TIE1: variants seen among roughly 807,000 people sequenced by gnomAD.
The protein encoded by TIE1 is tyrosine-protein kinase receptor Tie-1.
TIE1 carries 89 observed loss-of-function variants against 130.5 expected under a neutral mutation model. That is an observed-to-expected ratio of 0.68 (90% CI 0.57 to 0.81). The LOEUF (loss-of-function observed/expected upper bound fraction) is 0.81. Among genes scored for constraint, TIE1 ranks in the 40% least tolerant of loss-of-function variants. The probability of loss-of-function intolerance (pLI) is 0.00; values close to 1 mark genes in which losing one functional copy is unlikely to be tolerated. For missense variants in TIE1, 1,392 were observed against 1,559.8 expected, an observed-to-expected ratio of 0.89 and a Z score of 1.81; for synonymous variants, 568 against 629.4, an observed-to-expected ratio of 0.90 and a Z score of 1.46.
Position 43,313,835 on chromosome 1 carries a change from A to G in TIE1, c.2276A>G (p.Gln759Arg). ...CGGGCAGCTGAAGAGGGCCTGGATC[A>G]GCAGCTGATCCTGGCGGTGGTGGGC... is the stretch of plus-strand genomic sequence containing the variant. ...ESRAAEEGLD[Q>R]QLILAVVGSV... Residue 759 changes from glutamine (Q) to arginine (R), a missense_variant, in exon 14 of 23, where the codon CAG becomes CGG. By Grantham distance (43) the Gln-to-Arg change is conservative. Around this residue, in one of 6 missense-constraint regions of TIE1, gnomAD observed 286 missense variants for 354.4 expected, o/e 0.81. Transcript: ENST00000372476. This position sits in a 1 kb window ranked among gnomAD's most constrained non-coding sequence, Gnocchi z 6.2. 1 of 1,614,118 alleles carries G rather than the reference A, an allele frequency of 6.2e-7. No individual in the cohort carries two copies. Among genetic ancestry groups the G allele is most frequent in the Non-Finnish European group, 8.5e-7 (1 of 1,180,006 alleles).
Position 43,317,792 on chromosome 1 carries a change from C to G in TIE1, c.2732-90C>G. The G allele has an allele frequency of 6.6e-7, 1 of 1,515,664 alleles. No homozygotes were observed. Among genetic ancestry groups the G allele is most frequent in the Non-Finnish European group, 9.1e-7 (1 of 1,101,242 alleles). 93.9% of individuals were successfully genotyped at this position (1,515,664 alleles called of 1,614,324 possible). A position where few individuals can be genotyped will look rare whatever the true frequency, so the allele number is the denominator to read the frequency against. ...TGACCTGTGCACCACCCTTGATCCTCCTTCATCCCTGTCTGTTACCATCGG... is the reference window on the plus strand; with the variant it reads ...TGACCTGTGCACCACCCTTGATCCTGCTTCATCCCTGTCTGTTACCATCGG... On this transcript the variant is annotated intron_variant, in intron 16 of 22. Transcript: ENST00000372476. The surrounding 1 kb of genome is among the most constrained non-coding windows in gnomAD (Gnocchi z 5.1).
chr1:43,305,095 C>T lies in TIE1; in HGVS notation c.303C>T (p.Gly101=), dbSNP rs781350189. ...TCTCCAAGCCCTCGGACCTCGTGGGCGTCTTCTCCTGCGTGGGCGGTGCTG... is the reference window on the plus strand; with the variant it reads ...TCTCCAAGCCCTCGGACCTCGTGGGTGTCTTCTCCTGCGTGGGCGGTGCTG... ...RGFSKPSDLV[G]VFSCVGGAGA... is the part of the protein sequence containing the mutation. The change falls in exon 2 of 23, where the codon GGC becomes GGT. Residue 101 remains glycine (G), a synonymous_variant. Coordinates refer to ENST00000372476, the MANE Select transcript of TIE1 (RefSeq NM_005424.5). The T allele has an allele frequency of 5.4e-5, 87 of 1,612,774 alleles. No individual in the cohort carries two copies. Among genetic ancestry groups the T allele is most frequent in the Non-Finnish European group, 6.2e-5 (73 of 1,179,400 alleles).
At position 43,319,428 on chromosome 1, in the gene TIE1, C is replaced by T; in HGVS notation, c.3037-31C>T. On this transcript the variant is annotated intron_variant, in intron 18 of 22. Transcript: ENST00000372476. This position sits in a 1 kb window ranked among gnomAD's most constrained non-coding sequence, Gnocchi z 4.7. Reference sequence around the variant, plus strand: ...GAGCCTCAAACAGGCCCTTCCTCCACACTCAGCCCCTCAAACCCATTCTCT... The same window carrying T: ...GAGCCTCAAACAGGCCCTTCCTCCATACTCAGCCCCTCAAACCCATTCTCT... 1 of 1,613,684 alleles carries T rather than the reference C, an allele frequency of 6.2e-7. No homozygotes were observed. Among genetic ancestry groups the T allele is most frequent in the Non-Finnish European group, 8.5e-7 (1 of 1,179,592 alleles).
rs534672239 is a variant in TIE1, at chr1:43,310,861, A to G, written c.1334-810A>G. On this transcript the variant is annotated intron_variant, in intron 9 of 22. Transcript: ENST00000372476. ...TTGCTGCCTGACACTCCCTCAGCTT[A>G]CAGCGCGGCATCCTTTTCCTCCCTC... Among the ~76,000 whole-genome samples the G allele has an allele frequency of 1.8e-3, 271 of 152,230 alleles. 1 individual carries two copies. The highest frequency in any genetic ancestry group is 6.3e-3 in the African/African-American group (263 of 41,520).
Position 43,317,177 on chromosome 1 carries a change from C to G in TIE1, c.2410-22C>G, listed in dbSNP as rs1222934819. 2 of 1,613,036 alleles carry G rather than the reference C, an allele frequency of 1.2e-6. No individual in the cohort carries two copies. Among genetic ancestry groups the G allele is most frequent in the Non-Finnish European group, 1.7e-6 (2 of 1,179,320 alleles). ...TTTGACTCTTGCGTGGACCGTCTGC[C>G]CTCTTGTCTCATCCTGTGAAGGGCG... On this transcript the variant is annotated intron_variant, in intron 14 of 22. Coordinates refer to ENST00000372476, the MANE Select transcript of TIE1 (RefSeq NM_005424.5). This position sits in a 1 kb window ranked among gnomAD's most constrained non-coding sequence, Gnocchi z 5.1.
chr1:43,308,480 G>A (rs1226248592), intron 7 of TIE1, among the ~76,000 whole-genome samples: 1 of 152,228 alleles, frequency 6.6e-6, no homozygotes, highest in East Asian at 1.9e-4. Flanking sequence ...TCAGGTTTGG[G>A]TACCAGGACA....
At chr1:43,308,898 C>CAGAACAGA in intron 7 of TIE1, 88 bp from the exon 8 acceptor site, 1 of 1,587,756 alleles carries the variant, frequency 6.3e-7, no homozygotes, top group Non-Finnish European at 8.6e-7. Context: ...GATACCTCCA[C>CAGAACAGA]TGAGAAACAG....
At position 43,317,961 on chromosome 1, in the gene TIE1, T is replaced by A; in HGVS notation, c.2811T>A (p.Thr937=). ...TGCGGAAAAGCCGGGTCCTAGAGAC[T>A]GACCCAGCTTTTGCTCGAGAGCATG... is the stretch of plus-strand genomic sequence containing the variant. ...DFLRKSRVLE[T]DPAFAREHGT... The change falls in exon 17 of 23, where the codon ACT becomes ACA. Residue 937 remains threonine, a synonymous_variant. Coordinates refer to ENST00000372476, the MANE Select transcript of TIE1 (RefSeq NM_005424.5). The surrounding 1 kb of genome is among the most constrained non-coding windows in gnomAD (Gnocchi z 5.1). 6.2e-7 allele frequency: 1 copy of A among 1,613,762 alleles called. No homozygotes were observed. The highest frequency in any genetic ancestry group is 8.5e-7 in the Non-Finnish European group (1 of 1,179,816).
intron 1 of TIE1, among the ~76,000 whole-genome samples, chr1:43,301,891 T>G (rs943252038): frequency 2.6e-5 from 4 of 152,124 alleles, no homozygotes; most frequent in Non-Finnish European, 4.4e-5. Flanking sequence ...ATGGTAAAAT[T>G]TATTTTATAT....
Position 43,317,819 on chromosome 1 carries a change from T to A in TIE1, c.2732-63T>A. The A allele has an allele frequency of 3.8e-6, 6 of 1,574,274 alleles. No individual in the cohort carries two copies. Among genetic ancestry groups the A allele is most frequent in the Non-Finnish European group, 5.2e-6 (6 of 1,147,954 alleles). On this transcript the variant is annotated intron_variant, in intron 16 of 22. Transcript: ENST00000372476. This position sits in a 1 kb window ranked among gnomAD's most constrained non-coding sequence, Gnocchi z 5.1. ...TTCATCCCTGTCTGTTACCATCGGGTGCCTGCTCCCACCCTAGGTTGCCTG... is the reference window on the plus strand; with the variant it reads ...TTCATCCCTGTCTGTTACCATCGGGAGCCTGCTCCCACCCTAGGTTGCCTG...
intron 10 of TIE1, 78 bp from the exon 11 acceptor site, chr1:43,311,916 C>T (rs922623682): frequency 1.3e-5 from 20 of 1,569,306 alleles, no homozygotes; most frequent in South Asian, 2.4e-5. Context: ...GCAAATGGTG[C>T]GAGGGGGCTG....
At chr1:43,320,259 A>AG (rs1221617086) in intron 19 of TIE1, 1 of 152,752 alleles carries the variant, frequency 6.5e-6, no homozygotes, top group Non-Finnish European at 1.5e-5. Context: ...GCCACTAACT[A>AG]GCTGTATGGC....
At chr1:43,321,552 T>G in intron 21 of TIE1, 60 bp downstream of exon 21, 1 of 1,561,662 alleles carries the variant, frequency 6.4e-7, no homozygotes, top group East Asian at 2.4e-5. Flanking sequence ...ACCTCAGCTT[T>G]GATCCCTGTG....
Position 43,311,821 on chromosome 1 carries a change from C to A in TIE1, c.1484C>A (p.Thr495Asn). Residue 495 changes from threonine to asparagine, a missense_variant, in exon 10 of 23, where the codon ACC becomes AAC. Thr to Asn is a moderately conservative substitution (Grantham distance 65). Coordinates refer to ENST00000372476, the MANE Select transcript of TIE1 (RefSeq NM_005424.5). ...CAGGACAGTACCATGGACTGGTCGA[C>A]CATTGTGGGTGAGTAGGGAGAGAGC... Reference protein sequence around the residue: ...RPQDSTMDWSTIVVDPSENVT... With the variant: ...RPQDSTMDWSNIVVDPSENVT... The A allele has an allele frequency of 6.2e-7, 1 of 1,613,028 alleles. No homozygotes were observed. Among genetic ancestry groups the A allele is most frequent in the Non-Finnish European group, 8.5e-7 (1 of 1,179,440 alleles).
Position 43,301,043 on chromosome 1 carries a change from C to T in TIE1, c.-29C>T, listed in dbSNP as rs1646664308. 1.2e-6 allele frequency: 2 copies of T among 1,612,912 alleles called. No individual in the cohort carries two copies. Among genetic ancestry groups the T allele is most frequent in the East Asian group, 2.2e-5 (1 of 44,832 alleles). ...GCATCTGACCCCAGGCCCAGCTCGT[C>T]CTGGCTGGCCTGGGTCGGCCTCTGG... On this transcript the variant is annotated 5_prime_UTR_variant, in exon 1 of 23. Coordinates refer to ENST00000372476, the MANE Select transcript of TIE1 (RefSeq NM_005424.5).
In TIE1 at chr1:43,319,470, T is replaced by C. The variant is rs1175088436; in HGVS notation, c.3048T>C (p.Pro1016=). 2 of 1,614,144 alleles carry C rather than the reference T, an allele frequency of 1.2e-6. No homozygotes were observed. Among genetic ancestry groups the C allele is most frequent in the Non-Finnish European group, 1.7e-6 (2 of 1,180,014 alleles). ...VYVKKTMGRL[P]VRWMAIESLN... ...CCATTCTCTCCTAGGGGCGTCTCCC[T>C]GTGCGCTGGATGGCCATTGAGTCCC... The change falls in exon 19 of 23, where the codon CCT becomes CCC. Residue 1016 remains proline, a synonymous_variant. Transcript: ENST00000372476. The surrounding 1 kb of genome is among the most constrained non-coding windows in gnomAD (Gnocchi z 4.7).
Position 43,312,833 on chromosome 1 carries a change from G to A in TIE1, c.1927+232G>A, listed in dbSNP as rs934036163. Among the ~76,000 whole-genome samples the A allele has an allele frequency of 2.0e-5, 3 of 152,136 alleles. No homozygotes were observed. Among genetic ancestry groups the A allele is most frequent in the African/African-American group, 4.8e-5 (2 of 41,406 alleles). ...GGAGCATGTGGGGAGAGCATGGGGA[G>A]GTCAGGGTTCATGGCGAGAACCAGG... On this transcript the variant is annotated intron_variant, in intron 12 of 22. Coordinates refer to ENST00000372476, the MANE Select transcript of TIE1 (RefSeq NM_005424.5). This position sits in a 1 kb window ranked among gnomAD's most constrained non-coding sequence, Gnocchi z 5.6.
rs762537661 is a variant in TIE1, at chr1:43,317,946, C to CTTTT, written c.2796_2797insTTTT (p.Arg933PhefsTer7). 6 of 1,614,020 alleles carry CTTTT rather than the reference C, an allele frequency of 3.7e-6. No individual in the cohort carries two copies. Among genetic ancestry groups the CTTTT allele is most frequent in the Non-Finnish European group, 2.5e-6 (3 of 1,179,996 alleles). ...ACCTGCTAGATTTTCTGCGGAAAAG[C>CTTTT]CGGGTCCTAGAGACTGACCCAGCTT... On this transcript the variant is annotated frameshift_variant, in exon 17 of 23. Transcript: ENST00000372476. LOFTEE classifies it high-confidence loss of function. This position sits in a 1 kb window ranked among gnomAD's most constrained non-coding sequence, Gnocchi z 5.1.
chr1:43,315,999 C>T lies in TIE1; in HGVS notation c.2410-1200C>T, dbSNP rs915474438. Among the ~76,000 whole-genome samples, 3 of 152,150 alleles carry T rather than the reference C, an allele frequency of 2.0e-5. No individual in the cohort carries two copies. Among genetic ancestry groups the T allele is most frequent in the Non-Finnish European group, 2.9e-5 (2 of 68,032 alleles). On this transcript the variant is annotated intron_variant, in intron 14 of 22. Transcript: ENST00000372476. This position sits in a 1 kb window ranked among gnomAD's most constrained non-coding sequence, Gnocchi z 4.4. ...GCCTGTGCCCAAAAGCTCGAGGTAA[C>T]AATGAGCTGAGATCGTGCCATTGCC...
Sources: gnomAD v4.1 joint callset for allele counts (sites outside exome capture counted in the v4.1 genomes callset) on GRCh38, gnomAD v4.1.1 for gene constraint, gnomAD v4.1.1 regional missense constraint, Gnocchi (gnomAD v3.1) non-coding constraint, MANE v1.5 for transcripts, NCBI Gene and HGNC (gene_info 2026-07-23, HGNC 2026-07-21) for gene names.